Variants in LRRC4C observed in about 807,000 individuals in gnomAD.
LRRC4C encodes the protein leucine rich repeat containing 4C, also known as leucine-rich repeat-containing protein 4C.
Under a neutral mutation model 33.6 loss-of-function variants are expected in LRRC4C, and 5 were observed. The ratio of observed to expected loss-of-function variants is 0.15; its 90% CI spans 0.08 to 0.31. The LOEUF (loss-of-function observed/expected upper bound fraction) is 0.31. Among genes scored for constraint, LRRC4C ranks in the 10% least tolerant of loss-of-function variants. LRRC4C has a pLI of 1.00. For missense variants in LRRC4C, 560 were observed against 796.7 expected (o/e 0.70, Z 3.58); for synonymous variants, 329 against 302.0 (o/e 1.09, Z -0.93).
intron 2 of LRRC4C, among the ~76,000 whole-genome samples, chr11:40,910,564 T>C (rs1592063909): frequency 1.3e-5 from 2 of 151,994 alleles, no homozygotes; most frequent in Admixed American, 6.6e-5. Flanking sequence ...GAAAGTTTGG[T>C]GGTGGGGAGC....
At chr11:40,212,012 A>G (rs1271805236) in intron 5 of LRRC4C, among the ~76,000 whole-genome samples, 1 of 152,150 alleles carries the variant, frequency 6.6e-6, no homozygotes, top group Non-Finnish European at 1.5e-5. Flanking sequence ...AATAAACCCT[A>G]TGTGCTGATG....
Position 40,633,377 on chromosome 11 carries a change from C to CTCTCTCTCTT in LRRC4C, c.-270+14764_-270+14765insAAGAGAGAGA, listed in dbSNP as rs1555125605. 2.0e-3 allele frequency among the ~76,000 whole-genome samples: 71 copies of CTCTCTCTCTT among 34,796 alleles called. 1 individual carries two copies. Among genetic ancestry groups the CTCTCTCTCTT allele is most frequent in the Middle Eastern group, 0.048 (2 of 42 alleles). 22.8% of individuals were successfully genotyped at this position (34,796 alleles called of 152,430 possible). On this transcript the variant is annotated intron_variant, in intron 3 of 6. Coordinates refer to ENST00000528697, the MANE Select transcript of LRRC4C (RefSeq NM_001258419.2). Reference sequence around the variant, plus strand: ...TCTTTCTTTCTTTCTTTCTTTCTCTCTCTTTCTTTCTTTCTTTCTTTTTTT... The same window carrying CTCTCTCTCTT: ...TCTTTCTTTCTTTCTTTCTTTCTCTCTCTCTCTCTTTCTTTCTTTCTTTCTTTCTTTTTTT...
intron 3 of LRRC4C, among the ~76,000 whole-genome samples, chr11:40,641,402 C>T (rs1205061353): frequency 6.6e-6 from 1 of 151,896 alleles, no homozygotes; most frequent in Non-Finnish European, 1.5e-5. Flanking sequence ...TTCTTCAAAC[C>T]CCACTCTTTC....
At chr11:40,210,935 G>C (rs1863555929) in intron 5 of LRRC4C, among the ~76,000 whole-genome samples, 1 of 149,274 alleles carries the variant, frequency 6.7e-6, no homozygotes, top group South Asian at 2.1e-4. Flanking sequence ...ACCATGCCTG[G>C]CTAATTTTTT....
chr11:40,243,687 C>CTTT (rs1274780074), intron 4 of LRRC4C, among the ~76,000 whole-genome samples: 14 of 117,180 alleles, frequency 1.2e-4, no homozygotes, highest in African/African-American at 1.6e-4. Flanking sequence ...AAACTTATAT[C>CTTT]TTTTTTTTTT....
At chr11:40,838,683 C>T (rs77408115) in intron 2 of LRRC4C, among the ~76,000 whole-genome samples, 3,168 of 151,818 alleles carry the variant, frequency 0.021, 55 homozygotes, top group Non-Finnish European at 0.031. Context: ...TAGTAACTGA[C>T]CCAAACACCC....
intron 1 of LRRC4C, among the ~76,000 whole-genome samples, chr11:40,954,578 G>T (rs983123340): frequency 6.6e-6 from 1 of 151,816 alleles, no homozygotes; most frequent in Non-Finnish European, 1.5e-5. Context: ...CTTTTTAAAA[G>T]TTTAATTTCT....
chr11:40,346,659 T>A (rs1425295820), intron 3 of LRRC4C, among the ~76,000 whole-genome samples: 1 of 152,128 alleles, frequency 6.6e-6, no homozygotes, highest in African/African-American at 2.4e-5. Flanking sequence ...CGATACAAGT[T>A]TACCTATGTA....
chr11:40,142,331 A>C (rs892892122), intron 5 of LRRC4C, among the ~76,000 whole-genome samples: 23 of 151,478 alleles, frequency 1.5e-4, no homozygotes, highest in African/African-American at 5.6e-4. Context: ...TGTTTTCCCA[A>C]ATCTCATGGT....
intron 5 of LRRC4C, among the ~76,000 whole-genome samples, chr11:40,200,622 T>C (rs1248077819): frequency 6.6e-6 from 1 of 151,730 alleles, no homozygotes; most frequent in Non-Finnish European, 1.5e-5. Flanking sequence ...AAGAAAAATC[T>C]CAATAAACAT....
chr11:41,115,837 C>T (rs931414418), intron 1 of LRRC4C, among the ~76,000 whole-genome samples: 2 of 152,024 alleles, frequency 1.3e-5, no homozygotes, highest in African/African-American at 2.4e-5. Flanking sequence ...ATTATTGCAG[C>T]CTTGTTTCAT....
At chr11:40,932,411 G>A (rs1174085604) in intron 2 of LRRC4C, among the ~76,000 whole-genome samples, 4 of 152,136 alleles carry the variant, frequency 2.6e-5, no homozygotes, top group African/African-American at 4.8e-5. Flanking sequence ...AGGGGCTAAT[G>A]TGGGGAAGAA....
chr11:40,652,434 C>A (rs781434306), intron 2 of LRRC4C, among the ~76,000 whole-genome samples: 40 of 152,166 alleles, frequency 2.6e-4, no homozygotes, highest in Non-Finnish European at 5.1e-4. Flanking sequence ...TGATTATTAT[C>A]TTCTAATTCT....
chr11:40,120,292 T>TA (rs1855732940), intron 6 of LRRC4C, among the ~76,000 whole-genome samples: 2 of 152,208 alleles, frequency 1.3e-5, no homozygotes, highest in South Asian at 4.3e-4. Flanking sequence ...CTGCCCCATT[T>TA]ATATCATGAC....
rs1216129295 is a variant in LRRC4C at position 40,933,400 on chromosome 11, T to A, written c.-407+235A>T. ...AATTGACCATATTAATTTACAAACATGGACTATTCCAAGGTAGTATAAGTC... is the reference window on the plus strand; with the variant it reads ...AATTGACCATATTAATTTACAAACAAGGACTATTCCAAGGTAGTATAAGTC... On this transcript the variant is annotated intron_variant, in intron 2 of 6. Transcript: ENST00000528697. 2.6e-5 allele frequency among the ~76,000 whole-genome samples: 4 copies of A among 152,374 alleles called. No homozygotes were observed. The South Asian group carries it at 8.3e-4, about 32-fold the overall frequency.
At chr11:40,246,557 A>G (rs1428050490) in intron 4 of LRRC4C, among the ~76,000 whole-genome samples, 1 of 152,180 alleles carries the variant, frequency 6.6e-6, no homozygotes, top group Admixed American at 6.5e-5. Flanking sequence ...CGGCAGAAAT[A>G]TGAACAGAAG....
intron 1 of LRRC4C, among the ~76,000 whole-genome samples, chr11:41,087,543 G>C (rs995418971): frequency 1.3e-5 from 2 of 151,986 alleles, no homozygotes; most frequent in African/African-American, 2.4e-5. Flanking sequence ...TACCCAGGCT[G>C]GTTTTGAATT....
intron 2 of LRRC4C, among the ~76,000 whole-genome samples, chr11:40,673,393 C>A (rs1350768712): frequency 6.6e-6 from 1 of 152,108 alleles, no homozygotes. Flanking sequence ...ATAATAGTAA[C>A]ACCTAATATC....
At chr11:41,252,250 G>A (rs545884153) in intron 1 of LRRC4C, among the ~76,000 whole-genome samples, 4 of 152,046 alleles carry the variant, frequency 2.6e-5, no homozygotes, top group Non-Finnish European at 5.9e-5. Flanking sequence ...TGGTCAATAC[G>A]TTTCCTAATT....
Sources: gnomAD v4.1 joint callset for allele counts (sites outside exome capture counted in the v4.1 genomes callset) on GRCh38, gnomAD v4.1.1 for gene constraint, MANE v1.5 for transcripts, NCBI Gene and HGNC (gene_info 2026-07-23, HGNC 2026-07-21) for gene names.